Variants in ANGPT1 observed in about 807,000 individuals in gnomAD.
ANGPT1 encodes angiopoietin 1, also known as angiopoietin-1.
In ANGPT1, 17 loss-of-function variants were observed where a neutral mutation model predicts 62.2. The ratio of observed to expected loss-of-function variants is 0.27; its 90% CI spans 0.19 to 0.41. The LOEUF is 0.41. Among genes scored for constraint, ANGPT1 ranks in the 10% least tolerant of loss-of-function variants. The probability of loss-of-function intolerance (pLI) is 1.00; values close to 1 mark genes in which losing one functional copy is unlikely to be tolerated. For synonymous variants in ANGPT1, 199 were observed against 198.9 expected (o/e 1.00, Z 0.00); for missense variants, 478 against 594.9 (o/e 0.80, Z 2.04).
intron 5 of ANGPT1, chr8:107,295,569 T>G (rs1814392996): frequency 1.3e-5 from 2 of 151,950 alleles, no homozygotes; most frequent in African/African-American, 4.8e-5. Context: ...GGAGACAGAG[T>G]TCACAATTTT....
chr8:107,286,394 A>T (rs886386666), intron 6 of ANGPT1, among the ~76,000 whole-genome samples: 1 of 152,142 alleles, frequency 6.6e-6, no homozygotes, highest in Admixed American at 6.6e-5. Flanking sequence ...GAAAAATTTT[A>T]AAAATTTAAA....
intron 1 of ANGPT1, among the ~76,000 whole-genome samples, chr8:107,431,983 C>G (rs1032940949): frequency 6.6e-5 from 10 of 152,124 alleles, no homozygotes; most frequent in Non-Finnish European, 1.3e-4. Flanking sequence ...TCAGCAAACT[C>G]TGGCAACTCA....
At chr8:107,433,013 A>C (rs1289255261) in intron 1 of ANGPT1, among the ~76,000 whole-genome samples, 1 of 152,204 alleles carries the variant, frequency 6.6e-6, no homozygotes, top group Admixed American at 6.5e-5. Flanking sequence ...CTTAAAAAAA[A>C]CCTCAAATTA....
rs1815822668 is a variant in ANGPT1 at position 107,347,097 on chromosome 8, G to A, written c.298C>T (p.Leu100Phe). 4.3e-6 allele frequency: 7 copies of A among 1,612,194 alleles called. No individual in the cohort carries two copies. The highest frequency in any genetic ancestry group is 5.9e-6 in the Non-Finnish European group (7 of 1,178,946). The part of the protein sequence containing the change: ...MENYTQWLQK[L>F]ENYIVENMKS... Reference sequence around the variant, plus strand: ...ATGTTTTCCACAATGTAATTCTCAAGCTGCAAGAGATAAAGAACAAAACAT... The same window carrying A: ...ATGTTTTCCACAATGTAATTCTCAAACTGCAAGAGATAAAGAACAAAACAT... The change falls in exon 2 of 9, where the codon CTT becomes TTT. Residue 100 changes from leucine to phenylalanine, a missense_variant and splice_region_variant. Leu to Phe is a conservative substitution (Grantham distance 22). Transcript: ENST00000517746.
At chr8:107,383,606 A>C (rs565770563) in intron 1 of ANGPT1, among the ~76,000 whole-genome samples, 1 of 152,160 alleles carries the variant, frequency 6.6e-6, no homozygotes, top group Non-Finnish European at 1.5e-5. Context: ...CCGACACACA[A>C]CACCTTTTTA....
intron 1 of ANGPT1, among the ~76,000 whole-genome samples, chr8:107,442,500 GA>G (rs1811508102): frequency 6.6e-6 from 1 of 152,072 alleles, no homozygotes; most frequent in African/African-American, 2.4e-5. Flanking sequence ...GATTTTTCAA[GA>G]AAGAAGTGTA....
intron 3 of ANGPT1, among the ~76,000 whole-genome samples, chr8:107,333,300 A>G (rs1272809864): frequency 6.6e-6 from 1 of 152,176 alleles, no homozygotes; most frequent in African/African-American, 2.4e-5. Flanking sequence ...ACCAGGAGGC[A>G]TAGAAATTGA....
intron 6 of ANGPT1, among the ~76,000 whole-genome samples, chr8:107,292,098 T>C (rs1814292371): frequency 6.6e-6 from 1 of 152,138 alleles, no homozygotes; most frequent in Non-Finnish European, 1.5e-5. Context: ...TTCCATTCAG[T>C]TTCCAGAGGA....
At chr8:107,470,170 T>A (rs568460208) in intron 1 of ANGPT1, among the ~76,000 whole-genome samples, 26 of 152,096 alleles carry the variant, frequency 1.7e-4, no homozygotes, top group Non-Finnish European at 3.2e-4. Context: ...AAATATTCAA[T>A]AAAATGATAT....
chr8:107,297,091 T>A (rs967294909), intron 5 of ANGPT1, among the ~76,000 whole-genome samples: 1 of 152,034 alleles, frequency 6.6e-6, no homozygotes, highest in African/African-American at 2.4e-5. Context: ...AATGTTCAGA[T>A]GTGCTGAGAA....
At chr8:107,312,566 G>C (rs1295793766) in intron 4 of ANGPT1, among the ~76,000 whole-genome samples, 1 of 152,166 alleles carries the variant, frequency 6.6e-6, no homozygotes, top group Non-Finnish European at 1.5e-5. Context: ...GTCACCACAA[G>C]TACGTCACCT....
intron 3 of ANGPT1, among the ~76,000 whole-genome samples, chr8:107,333,946 A>G (rs867180699): frequency 4.5e-5 from 6 of 132,692 alleles, no homozygotes; most frequent in African/African-American, 8.2e-5. Context: ...AAGAAAGAAA[A>G]AGAAAGAAAG....
At chr8:107,450,688 A>G (rs1811747893) in intron 1 of ANGPT1, among the ~76,000 whole-genome samples, 1 of 142,936 alleles carries the variant, frequency 7.0e-6, no homozygotes, top group Admixed American at 7.4e-5. Context: ...ATTGCCAAGA[A>G]CATTCAAATG....
At chr8:107,261,022 G>T (rs1813477635) in intron 8 of ANGPT1, among the ~76,000 whole-genome samples, 1 of 152,020 alleles carries the variant, frequency 6.6e-6, no homozygotes. Flanking sequence ...CTCTTCTAAG[G>T]ACACATTTGA....
In ANGPT1 at chr8:107,321,930, G is replaced by C. The variant is rs1815158752; in HGVS notation, c.774C>G (p.Val258=). Reference sequence around the variant, plus strand: ...TAGTGCAAAGATTGACAAGGTTGTGGACTGTGTCCATCAGCTCCAGTTGCT... The same window carrying C: ...TAGTGCAAAGATTGACAAGGTTGTGCACTGTGTCCATCAGCTCCAGTTGCT... The part of the protein sequence containing the change: ...QKQQLELMDT[V]HNLVNLCTKE... The change falls in exon 4 of 9, where the codon GTC becomes GTG. Residue 258 remains valine (V), a synonymous_variant. Coordinates refer to ENST00000517746, the MANE Select transcript of ANGPT1 (RefSeq NM_001146.5). 10 of 1,613,970 alleles carry C rather than the reference G, an allele frequency of 6.2e-6. No individual in the cohort carries two copies. Among genetic ancestry groups the C allele is most frequent in the Non-Finnish European group, 7.6e-6 (9 of 1,179,854 alleles).
At chr8:107,330,690 T>C (rs1245395167) in intron 3 of ANGPT1, among the ~76,000 whole-genome samples, 1 of 152,106 alleles carries the variant, frequency 6.6e-6, no homozygotes, top group Non-Finnish European at 1.5e-5. Context: ...CAGCTTGACC[T>C]AAGACATAGT....
rs563043846 is a variant in ANGPT1, at chr8:107,284,384, A to C, written c.1205+298T>G. 2.2e-3 allele frequency: 399 copies of C among 180,420 alleles called. 4 individuals carry two copies. The highest frequency in any genetic ancestry group is 9.1e-3 in the Middle Eastern group (4 of 438). The allele number at this position is 180,420 out of a possible 1,614,324, so 11.2% of individuals were successfully genotyped here. ...TGAGTATGAAACTTATCAGTTTTAT[A>C]TATATGAATTCACTGCAACTGCATG... On this transcript the variant is annotated intron_variant, in intron 7 of 8. Coordinates refer to ENST00000517746, the MANE Select transcript of ANGPT1 (RefSeq NM_001146.5).
At position 107,293,932 on chromosome 8, in the gene ANGPT1, T is replaced by C. The variant is rs1814345949; in HGVS notation, c.1038+4A>G. 1 of 1,609,804 alleles carries C rather than the reference T, an allele frequency of 6.2e-7. No homozygotes were observed. Among genetic ancestry groups the C allele is most frequent in the South Asian group, 1.1e-5 (1 of 90,420 alleles). ...AAAAAGCACCATAAATTCTTGCATC[T>C]TACCATTTTATATTCCTTCCAGCCT... On this transcript the variant is annotated splice_donor_region_variant and intron_variant, in intron 6 of 8. Transcript: ENST00000517746.
intron 3 of ANGPT1, among the ~76,000 whole-genome samples, chr8:107,327,723 C>G (rs1815323014): frequency 6.6e-6 from 1 of 152,068 alleles, no homozygotes; most frequent in Non-Finnish European, 1.5e-5. Context: ...CTTCCTGTTT[C>G]CCGTCTTTCT....
Sources: gnomAD v4.1 joint callset for allele counts (sites outside exome capture counted in the v4.1 genomes callset) on GRCh38, gnomAD v4.1.1 for gene constraint, MANE v1.5 for transcripts, NCBI Gene and HGNC (gene_info 2026-07-23, HGNC 2026-07-21) for gene names.